The following PRKG1 variants were observed in gnomAD, a reference collection of about 807,000 sequenced individuals.
PRKG1 encodes the protein protein kinase cGMP-dependent 1, also known as cGMP-dependent protein kinase 1.
PRKG1 carries 35 observed loss-of-function variants against 88.1 expected under a neutral mutation model. That is an observed-to-expected ratio of 0.40 (90% CI 0.30 to 0.53). The LOEUF is 0.53. Ranked by LOEUF, PRKG1 falls within the 20% of genes least tolerant of loss-of-function variation. The pLI is 0.59. For synonymous variants in PRKG1, 303 were observed against 292.5 expected (o/e 1.04, Z -0.37); for missense variants, 540 against 839.8 (o/e 0.64, Z 4.41).
chr10:51,448,871 T>C (rs1364718353), intron 2 of PRKG1, among the ~76,000 whole-genome samples: 1 of 152,048 alleles, frequency 6.6e-6, no homozygotes, highest in Non-Finnish European at 1.5e-5. Flanking sequence ...CTTACATTTA[T>C]TTGAAAGTAA....
At chr10:51,031,553 C>T (rs561293736) in intron 1 of PRKG1, among the ~76,000 whole-genome samples, 6 of 152,176 alleles carry the variant, frequency 3.9e-5, no homozygotes, top group South Asian at 2.1e-4. Context: ...AAGAAGGAAA[C>T]GTATTTATTG....
intron 7 of PRKG1, chr10:52,128,061 T>TA (rs1837148373): frequency 1.0e-6 from 1 of 985,100 alleles, no homozygotes; most frequent in South Asian, 4.7e-5. Context: ...CCCCTTGTAG[T>TA]AAGATTGCTT....
intron 2 of PRKG1, among the ~76,000 whole-genome samples, chr10:51,392,338 G>C (rs140264950): frequency 0.03 from 4,506 of 151,800 alleles, 191 homozygotes; most frequent in South Asian, 0.093. Context: ...TGACTCTTAA[G>C]GAGCATGCTG....
At chr10:51,132,878 C>G (rs1032761833) in intron 1 of PRKG1, among the ~76,000 whole-genome samples, 1 of 151,914 alleles carries the variant, frequency 6.6e-6, no homozygotes, top group African/African-American at 2.4e-5. Context: ...TATGCCACAT[C>G]ATATACATAT....
At chr10:51,386,795 A>G (rs1837263669) in intron 2 of PRKG1, among the ~76,000 whole-genome samples, 1 of 141,262 alleles carries the variant, frequency 7.1e-6, no homozygotes, top group Non-Finnish European at 1.6e-5. Context: ...GTATTCTTAT[A>G]ATAAATCATT....
chr10:51,598,195 C>CCT (rs1157505408), intron 3 of PRKG1, among the ~76,000 whole-genome samples: 95 of 152,296 alleles, frequency 6.2e-4, no homozygotes, highest in African/African-American at 2.2e-3. Context: ...CATCTACTAG[C>CCT]ATCTAAAGAC....
chr10:51,474,724 AATT>A (rs1394985422), intron 3 of PRKG1, among the ~76,000 whole-genome samples: 1 of 151,966 alleles, frequency 6.6e-6, no homozygotes, highest in Admixed American at 6.6e-5. Context: ...ACTGGGAAAA[AATT>A]ATTATGTTTT....
intron 9 of PRKG1, among the ~76,000 whole-genome samples, chr10:52,228,247 A>G (rs1446009823): frequency 6.6e-6 from 1 of 152,004 alleles, no homozygotes; most frequent in African/African-American, 2.4e-5. Flanking sequence ...TTAAAATCCA[A>G]AAATATTCTG....
intron 4 of PRKG1, among the ~76,000 whole-genome samples, chr10:51,814,744 C>T (rs779984814): frequency 2.0e-5 from 3 of 151,998 alleles, no homozygotes; most frequent in Non-Finnish European, 4.4e-5. Context: ...CTAGCATTTG[C>T]ACAAATGTCT....
chr10:51,642,384 C>T (rs115504235), intron 3 of PRKG1, among the ~76,000 whole-genome samples: 4,584 of 152,106 alleles, frequency 0.03, 121 homozygotes, highest in African/African-American at 0.068. Context: ...AGCAAGGCTC[C>T]GTCTCAAAAA....
intron 5 of PRKG1, among the ~76,000 whole-genome samples, chr10:51,988,821 A>G (rs1396146054): frequency 6.6e-6 from 1 of 151,976 alleles, no homozygotes; most frequent in Non-Finnish European, 1.5e-5. Context: ...TTTCACTTTA[A>G]AATAATATAG....
chr10:51,313,203 T>C (rs1041456034), intron 2 of PRKG1, among the ~76,000 whole-genome samples: 6 of 152,030 alleles, frequency 3.9e-5, no homozygotes, highest in Admixed American at 6.6e-5. Flanking sequence ...AGTCTAAACC[T>C]AAATAATGTT....
intron 3 of PRKG1, among the ~76,000 whole-genome samples, chr10:51,791,367 C>A (rs943087323): frequency 3.9e-5 from 6 of 152,100 alleles, no homozygotes; most frequent in Admixed American, 3.9e-4. Context: ...TCTCTTAACT[C>A]TTGACTTCAG....
At chr10:51,320,052 T>G (rs1291197125) in intron 2 of PRKG1, 1 of 185,520 alleles carries the variant, frequency 5.4e-6, no homozygotes, top group African/African-American at 2.4e-5. Context: ...AATAGCCAGA[T>G]TGAGGAGCTG....
chr10:51,636,362 T>C (rs1048091596), intron 3 of PRKG1, among the ~76,000 whole-genome samples: 1 of 152,146 alleles, frequency 6.6e-6, no homozygotes, highest in African/African-American at 2.4e-5. Context: ...ATTAACAGGG[T>C]TAGATAAAAA....
chr10:51,112,821 C>T lies in PRKG1; in HGVS notation c.311+37920C>T, dbSNP rs778973931. Among the ~76,000 whole-genome samples the T allele has an allele frequency of 3.5e-4, 53 of 152,130 alleles. 1 individual carries two copies. The highest frequency in any genetic ancestry group is 7.4e-5 in the Non-Finnish European group (5 of 68,018). ...ATGAGTTTAGTGTCGACCATGTTAA[C>T]TAATTTCCATTTTTCCAAATTCATA... On this transcript the variant is annotated intron_variant, in intron 1 of 17. Coordinates refer to ENST00000373980, the MANE Select transcript of PRKG1 (RefSeq NM_006258.4).
intron 2 of PRKG1, among the ~76,000 whole-genome samples, chr10:51,374,000 G>C (rs747786069): frequency 6.7e-6 from 1 of 149,948 alleles, no homozygotes; most frequent in Non-Finnish European, 1.5e-5. Context: ...AAATTAGCTG[G>C]GGGCGGTGTA....
chr10:52,139,226 AATATATGT>A (rs1339485518), intron 8 of PRKG1, among the ~76,000 whole-genome samples: 2 of 152,156 alleles, frequency 1.3e-5, no homozygotes, highest in African/African-American at 4.8e-5. Flanking sequence ...TTGAAAACTG[AATATATGT>A]ATAGAACCAG....
chr10:51,222,417 A>G (rs1228774730), intron 2 of PRKG1, among the ~76,000 whole-genome samples: 1 of 152,176 alleles, frequency 6.6e-6, no homozygotes, highest in Non-Finnish European at 1.5e-5. Context: ...AATTGGTTCA[A>G]ACACTCTGGC....
Sources: allele counts gnomAD v4.1 joint callset (sites outside exome capture counted in the v4.1 genomes callset), GRCh38; gene constraint gnomAD v4.1.1; transcripts MANE v1.5; gene names NCBI Gene and HGNC (gene_info 2026-07-23, HGNC 2026-07-21).